The following CUL9 variants were observed in gnomAD, a reference collection of about 807,000 sequenced individuals.
CUL9 encodes the protein cullin-9.
Under a neutral mutation model 272.6 loss-of-function variants are expected in CUL9, and 79 were observed. The observed-to-expected ratio is 0.29, with a 90% CI of 0.24 to 0.35. The LOEUF (loss-of-function observed/expected upper bound fraction) is 0.35, where lower values mean the gene tolerates loss of function less well. CUL9 is among the 10% of genes least tolerant of loss of function. The pLI, the probability that CUL9 is intolerant of heterozygous loss-of-function variation, is 1.00. For synonymous variants in CUL9, 1,186 were observed against 1,286.5 expected, an observed-to-expected ratio of 0.92 and a Z score of 1.67; for missense variants, 2,532 against 3,255.6, an observed-to-expected ratio of 0.78 and a Z score of 5.41.
In CUL9 at chr6:43,223,722, TG is replaced by T; in HGVS notation, c.7284+328del. 2.0e-6 allele frequency: 1 copy of T among 497,034 alleles called. No homozygotes were observed. The highest frequency in any genetic ancestry group is 3.6e-6 in the Non-Finnish European group (1 of 275,104). 30.8% of individuals were successfully genotyped at this position (497,034 alleles called of 1,614,324 possible). A position where few individuals can be genotyped will look rare whatever the true frequency, so the allele number is the denominator to read the frequency against. On this transcript the variant is annotated intron_variant, in intron 39 of 40. Coordinates refer to ENST00000252050, the MANE Select transcript of CUL9 (RefSeq NM_015089.4). This position sits in a 1 kb window ranked among gnomAD's most constrained non-coding sequence, Gnocchi z 4.1. ...AGATAGGGATTTGAAATCCTAAGAG[TG>T]GGCATCAGGGGATTGGGGTCACTGG...
Position 43,198,641 on chromosome 6 carries a change from G to A in CUL9, c.2836G>A (p.Gly946Arg). The change falls in exon 12 of 41, where the codon GGG becomes AGG. Residue 946 changes from glycine (G) to arginine (R), a missense_variant. By Grantham distance (125) the Gly-to-Arg change is moderately radical. Around this residue, in one of 3 missense-constraint regions of CUL9, gnomAD observed 2,218 missense variants for 2,788.6 expected, o/e 0.80. Coordinates refer to ENST00000252050, the MANE Select transcript of CUL9 (RefSeq NM_015089.4). ...GACCCCCATCATCCAGGGTCAGGAT[G>A]GGTCCCCTGAGCTACTGATTCGATC... ...LETPIIQGQD[G>R]SPELLIRSLV... The A allele has an allele frequency of 6.2e-7, 1 of 1,614,164 alleles. No homozygotes were observed. Among genetic ancestry groups the A allele is most frequent in the South Asian group, 1.1e-5 (1 of 91,076 alleles).
Position 43,222,355 on chromosome 6 carries a change from TATA to T in CUL9, c.6889_6891del (p.Asn2297del). On this transcript the variant is annotated inframe_deletion, in exon 36 of 41. Transcript: ENST00000252050. ...TCGCCAGGAGAAGCGGTTTCAGGAC[TATA>T]ATGAGAGGTGCACTTTCCATCACCA... 1.2e-6 allele frequency: 2 copies of T among 1,613,242 alleles called. No homozygotes were observed. The highest frequency in any genetic ancestry group is 1.7e-6 in the Non-Finnish European group (2 of 1,179,960).
At chr6:43,212,647 T>C (rs1775614014) in intron 26 of CUL9, 1 of 152,302 alleles carries the variant, frequency 6.6e-6, no homozygotes, top group Admixed American at 6.5e-5. Context: ...CATCACACAT[T>C]GCAGGTGGAT....
At chr6:43,192,849 G>A (rs1773651783) in intron 8 of CUL9, 152 bp from the exon 9 acceptor site, 2 of 656,866 alleles carry the variant, frequency 3.0e-6, no homozygotes, top group South Asian at 3.6e-5. Flanking sequence ...ATTGGGGTGA[G>A]ACTGAAGCCA....
chr6:43,216,100 T>A, intron 30 of CUL9, 58 bp from the exon 31 acceptor site: 2 of 1,509,970 alleles, frequency 1.3e-6, no homozygotes, highest in Non-Finnish European at 1.8e-6. Context: ...TGGGGTTCAG[T>A]TAGTAGGCTG....
At position 43,206,596 on chromosome 6, in the gene CUL9, A is replaced by T; in HGVS notation, c.5212+86A>T. ...AGAGGAGAGGACCTTTGGACAGGAT[A>T]TAGATGTGAAGAAAAATATCAGCTC... is the stretch of plus-strand genomic sequence containing the variant. On this transcript the variant is annotated intron_variant, in intron 26 of 40. Coordinates refer to ENST00000252050, the MANE Select transcript of CUL9 (RefSeq NM_015089.4). The surrounding 1 kb of genome is among the most constrained non-coding windows in gnomAD (Gnocchi z 4.8). The T allele has an allele frequency of 8.0e-7, 1 of 1,246,494 alleles. No homozygotes were observed. Among genetic ancestry groups the T allele is most frequent in the East Asian group, 2.3e-5 (1 of 42,658 alleles). 77.2% of individuals were successfully genotyped at this position (1,246,494 alleles called of 1,614,324 possible). A position where few individuals can be genotyped will look rare whatever the true frequency, so the allele number is the denominator to read the frequency against.
At chr6:43,210,256 G>T (rs1444998133) in intron 26 of CUL9, among the ~76,000 whole-genome samples, 1 of 152,202 alleles carries the variant, frequency 6.6e-6, no homozygotes, top group East Asian at 1.9e-4. Context: ...GACTACAGGC[G>T]TGAGCCACCA....
At chr6:43,210,455 T>A (rs1775387425) in intron 26 of CUL9, among the ~76,000 whole-genome samples, 1 of 152,220 alleles carries the variant, frequency 6.6e-6, no homozygotes, top group Non-Finnish European at 1.5e-5. Flanking sequence ...TTTGTCAACC[T>A]AGCCAAGAGA....
Position 43,203,863 on chromosome 6 carries a change from G to A in CUL9, c.4035G>A (p.Arg1345=), listed in dbSNP as rs200234261. The change falls in exon 20 of 41, where the codon AGG becomes AGA. Residue 1345 remains arginine, a synonymous_variant. Transcript: ENST00000252050. The surrounding 1 kb of genome is among the most constrained non-coding windows in gnomAD (Gnocchi z 5.0). ...CACTGTTTGTTCCCAGACTGAACAG[G>A]GTTTTGCGCCACGAGCAGAATTTTG... The part of the protein sequence containing the change: ...RLLQLCPRLN[R]VLRHEQNFAD... 2.4e-5 allele frequency: 39 copies of A among 1,611,394 alleles called. No homozygotes were observed. The East Asian group carries it at 8.7e-4, about 36-fold the overall frequency.
rs756258868 is a variant in CUL9, at chr6:43,188,556, G to A, written c.2021G>A (p.Arg674His). ...AGAGCCTTGCGGGGTCCCGGTCCTC[G>A]CAGCTCCCTGGATCAGCATGTGGCA... ...MARALRGPGP[R>H]SSLDQHVAAV... The change falls in exon 8 of 41, where the codon CGC becomes CAC. Residue 674 changes from arginine to histidine, a missense_variant. Transcript: ENST00000252050. 18 of 1,613,232 alleles carry A rather than the reference G, an allele frequency of 1.1e-5. No homozygotes were observed. The highest frequency in any genetic ancestry group is 2.2e-5 in the South Asian group (2 of 90,962).
In CUL9 at chr6:43,224,105, T is replaced by C; in HGVS notation, c.7295T>C (p.Val2432Ala). Residue 2432 changes from valine (V) to alanine (A), a missense_variant, in exon 40 of 41, where the codon GTT (valine) becomes GCT (alanine). Physicochemically the swap from Val to Ala is moderately conservative, Grantham distance 64 (BLOSUM62 0). Transcript: ENST00000252050. This position sits in a 1 kb window ranked among gnomAD's most constrained non-coding sequence, Gnocchi z 4.2. ...CTGTCTGCTCACCAGGATTTCCGGG[T>C]TGGTCTTCAGAGTCCATCAGTAGAG... ...ILQHSAQDFR[V>A]GLQSPSVEAW... 2 of 1,614,214 alleles carry C rather than the reference T, an allele frequency of 1.2e-6. No homozygotes were observed. The highest frequency in any genetic ancestry group is 1.7e-6 in the Non-Finnish European group (2 of 1,180,036).
chr6:43,191,648 A>G (rs1159152298), intron 8 of CUL9, among the ~76,000 whole-genome samples: 2 of 151,506 alleles, frequency 1.3e-5, no homozygotes, highest in Non-Finnish European at 2.9e-5. Context: ...GCAGCAGTGC[A>G]ATCTCGGCTC....
chr6:43,196,787 A>C lies in CUL9; in HGVS notation c.2728A>C (p.Met910Leu). The C allele has an allele frequency of 6.2e-7, 1 of 1,614,164 alleles. No individual in the cohort carries two copies. Among genetic ancestry groups the C allele is most frequent in the Non-Finnish European group, 8.5e-7 (1 of 1,180,028 alleles). ...AGGGATAGCACCAAGAACAGAACCT[A>C]TGCCTACCACACGCACCATCCTCAT... ...HSGIAPRTEP[M>L]PTTRTILMML... The change falls in exon 11 of 41, where the codon ATG (methionine) becomes CTG (leucine). Residue 910 changes from methionine (M) to leucine (L), a missense_variant. Met to Leu is a conservative substitution (Grantham distance 15, BLOSUM62 2). Coordinates refer to ENST00000252050, the MANE Select transcript of CUL9 (RefSeq NM_015089.4).
Position 43,186,110 on chromosome 6 carries a change from C to T in CUL9, c.906C>T (p.Phe302=). Residue 302 remains phenylalanine (F), a synonymous_variant, in exon 4 of 41, where the codon TTC becomes TTT. Coordinates refer to ENST00000252050, the MANE Select transcript of CUL9 (RefSeq NM_015089.4). ...GCCGGGGACAGCGGGAACTGGAGTT[C>T]AGCATGGCTGTGGGCAACCTCATCT... is the stretch of plus-strand genomic sequence containing the variant. ...EKSRGQRELE[F]SMAVGNLISE... is the part of the protein sequence containing the mutation. The T allele has an allele frequency of 4.3e-6, 7 of 1,614,250 alleles. No individual in the cohort carries two copies. The highest frequency in any genetic ancestry group is 5.9e-6 in the Non-Finnish European group (7 of 1,180,040).
chr6:43,182,691 A>C (rs972117335), intron 1 of CUL9, among the ~76,000 whole-genome samples: 2 of 151,762 alleles, frequency 1.3e-5, no homozygotes, highest in African/African-American at 4.8e-5. Context: ...CCCTACCTCC[A>C]TTGAGGTCCA....
At position 43,188,693 on chromosome 6, in the gene CUL9, G is replaced by A. The variant is rs777266846; in HGVS notation, c.2158G>A (p.Val720Ile). Residue 720 changes from valine (V) to isoleucine (I), a missense_variant, in exon 8 of 41, where the codon GTC (valine) becomes ATC (isoleucine). Coordinates refer to ENST00000252050, the MANE Select transcript of CUL9 (RefSeq NM_015089.4). The part of the protein sequence containing the change: ...EEVTERDHPL[V>I]RPDRSLREKL... ...GGTCACTGAGCGGGACCACCCTCTG[G>A]TCCGTCCTGACAGATCGCTGAGGTT... 3.1e-6 allele frequency: 5 copies of A among 1,613,360 alleles called. No individual in the cohort carries two copies. Among genetic ancestry groups the A allele is most frequent in the Middle Eastern group, 1.7e-4 (1 of 6,058 alleles).
chr6:43,198,621 C>G lies in CUL9; in HGVS notation c.2816C>G (p.Pro939Arg), dbSNP rs370211908. The G allele has an allele frequency of 1.2e-6, 2 of 1,614,082 alleles. No homozygotes were observed. Among genetic ancestry groups the G allele is most frequent in the African/African-American group, 2.7e-5 (2 of 74,938 alleles). The change falls in exon 12 of 41, where the codon CCC (proline) becomes CGC (arginine). Residue 939 changes from proline to arginine, a missense_variant. This residue lies in a region of CUL9 where 2,218 missense variants were observed against 2,788.6 expected (regional missense o/e 0.80). Coordinates refer to ENST00000252050, the MANE Select transcript of CUL9 (RefSeq NM_015089.4). ...TGTCTGGCTGCAGCACTAGAGACCC[C>G]CATCATCCAGGGTCAGGATGGGTCC... is the stretch of plus-strand genomic sequence containing the variant. ...GSPERAALET[P>R]IIQGQDGSPE...
chr6:43,222,289 A>T (rs973643513), intron 35 of CUL9, 27 bp from the exon 36 acceptor site: 2 of 1,606,642 alleles, frequency 1.2e-6, no homozygotes, highest in Non-Finnish European at 1.7e-6. Flanking sequence ...AAAACACCCA[A>T]TAGCCCTCCC....
At chr6:43,188,333 C>T (rs564777480) in intron 7 of CUL9, 190 bp from the exon 8 acceptor site, 19 of 792,366 alleles carry the variant, frequency 2.4e-5, no homozygotes, top group Admixed American at 3.0e-5. Flanking sequence ...AAGGAGGATC[C>T]GTTTTCTGGG....
Sources: allele counts gnomAD v4.1 joint callset (sites outside exome capture counted in the v4.1 genomes callset), GRCh38; gene constraint gnomAD v4.1.1; regional missense constraint gnomAD v4.1.1; non-coding constraint Gnocchi (gnomAD v3.1); transcripts MANE v1.5; gene names NCBI Gene and HGNC (gene_info 2026-07-23, HGNC 2026-07-21).